Variants in XKR4 observed in about 807,000 individuals in gnomAD.
XKR4 encodes the protein XK related 4.
XKR4 carries 12 observed loss-of-function variants against 53.9 expected under a neutral mutation model. The observed-to-expected ratio is 0.22, with a 90% CI of 0.14 to 0.36. The LOEUF is 0.36. XKR4 is among the 10% of genes least tolerant of loss of function. The probability of loss-of-function intolerance (pLI) is 1.00; values close to 1 mark genes in which losing one functional copy is unlikely to be tolerated. For synonymous variants in XKR4, 354 were observed against 362.4 expected (o/e 0.98, Z 0.26); for missense variants, 799 against 859.5 (o/e 0.93, Z 0.88).
intron 1 of XKR4, among the ~76,000 whole-genome samples, chr8:55,341,665 T>C (rs1040184067): frequency 6.6e-6 from 1 of 152,224 alleles, no homozygotes; most frequent in Non-Finnish European, 1.5e-5. Context: ...AACCTTATCT[T>C]CAAGTTAATT....
intron 2 of XKR4, among the ~76,000 whole-genome samples, chr8:55,423,397 A>G (rs529109321): frequency 5.3e-5 from 8 of 152,328 alleles, no homozygotes; most frequent in Admixed American, 1.3e-4. Context: ...ACCCGCCAGT[A>G]CATAATTTTT....
chr8:55,298,536 G>A (rs557672722), intron 1 of XKR4, among the ~76,000 whole-genome samples: 1 of 152,072 alleles, frequency 6.6e-6, no homozygotes, highest in Admixed American at 6.6e-5. Flanking sequence ...AGGAGAGGAG[G>A]GGGAGGTCCT....
At chr8:55,189,368 A>G (rs866779839) in intron 1 of XKR4, among the ~76,000 whole-genome samples, 4 of 152,322 alleles carry the variant, frequency 2.6e-5, no homozygotes, top group African/African-American at 9.6e-5. Context: ...ATCATGCCTC[A>G]ATGAACGGCG....
intron 1 of XKR4, among the ~76,000 whole-genome samples, chr8:55,148,869 C>A (rs543811764): frequency 6.6e-6 from 1 of 152,148 alleles, no homozygotes; most frequent in Non-Finnish European, 1.5e-5. Flanking sequence ...TCACAGAAAG[C>A]GTCCTTAGCA....
chr8:55,392,904 T>C (rs1804462475), intron 2 of XKR4, among the ~76,000 whole-genome samples: 1 of 152,194 alleles, frequency 6.6e-6, no homozygotes, highest in Non-Finnish European at 1.5e-5. Context: ...ACTCCGAAAG[T>C]TGGCAATTAA....
At chr8:55,129,159 G>C (rs945270343) in intron 1 of XKR4, among the ~76,000 whole-genome samples, 2 of 152,198 alleles carry the variant, frequency 1.3e-5, no homozygotes, top group African/African-American at 4.8e-5. Context: ...TTTTGAAAAT[G>C]GAGAGAGAAC....
At position 55,285,342 on chromosome 8, in the gene XKR4, A is replaced by G. The variant is rs535262448; in HGVS notation, c.807-72336A>G. 4.6e-5 allele frequency among the ~76,000 whole-genome samples: 7 copies of G among 152,282 alleles called. No individual in the cohort carries two copies. The South Asian group carries it at 1.5e-3, about 32-fold the overall frequency. Reference sequence around the variant, plus strand: ...TAGGGAGGTGCAAGAGGAGGGACTCAAGGTCTATGATGGGAAGTGGGAAAT... The same window carrying G: ...TAGGGAGGTGCAAGAGGAGGGACTCGAGGTCTATGATGGGAAGTGGGAAAT... On this transcript the variant is annotated intron_variant, in intron 1 of 2. Coordinates refer to ENST00000327381, the MANE Select transcript of XKR4 (RefSeq NM_052898.2).
At chr8:55,410,875 C>G (rs1401509035) in intron 2 of XKR4, among the ~76,000 whole-genome samples, 3 of 152,130 alleles carry the variant, frequency 2.0e-5, no homozygotes, top group African/African-American at 7.2e-5. Context: ...TGTTCCCCAA[C>G]CTGGGCTCCA....
intron 2 of XKR4, among the ~76,000 whole-genome samples, chr8:55,522,948 C>T (rs1183282340): frequency 6.6e-6 from 1 of 152,044 alleles, no homozygotes; most frequent in African/African-American, 2.4e-5. Flanking sequence ...AAAGAAAATC[C>T]TGGCTTACAT....
chr8:55,288,081 T>A (rs1818932288), intron 1 of XKR4, among the ~76,000 whole-genome samples: 1 of 152,198 alleles, frequency 6.6e-6, no homozygotes, highest in East Asian at 1.9e-4. Context: ...ATCATTAGTG[T>A]TAGTGTATTT....
chr8:55,431,459 T>G (rs1387392382), intron 2 of XKR4, among the ~76,000 whole-genome samples: 1 of 152,210 alleles, frequency 6.6e-6, no homozygotes, highest in Admixed American at 6.5e-5. Context: ...CAACTAAAGA[T>G]CAATTATCTT....
intron 1 of XKR4, among the ~76,000 whole-genome samples, chr8:55,134,858 T>C (rs1160896951): frequency 1.3e-5 from 2 of 152,236 alleles, no homozygotes; most frequent in African/African-American, 2.4e-5. Context: ...GATGATGTCA[T>C]TTAATTCTCG....
intron 1 of XKR4, among the ~76,000 whole-genome samples, chr8:55,260,939 G>C (rs1418720322): frequency 6.6e-6 from 1 of 152,156 alleles, no homozygotes; most frequent in Non-Finnish European, 1.5e-5. Flanking sequence ...GTCTATGTCT[G>C]CAGCTTGATT....
chr8:55,504,556 T>A (rs916075871), intron 2 of XKR4, among the ~76,000 whole-genome samples: 1 of 152,120 alleles, frequency 6.6e-6, no homozygotes, highest in South Asian at 2.1e-4. Flanking sequence ...GGCTTTGGTA[T>A]AAAGGTAATT....
At chr8:55,240,120 G>A (rs942011061) in intron 1 of XKR4, among the ~76,000 whole-genome samples, 1 of 152,186 alleles carries the variant, frequency 6.6e-6, no homozygotes, top group East Asian at 1.9e-4. Flanking sequence ...ATCTGGCACA[G>A]TGCCTGAAAC....
chr8:55,515,200 A>G (rs1806694469), intron 2 of XKR4, among the ~76,000 whole-genome samples: 1 of 152,232 alleles, frequency 6.6e-6, no homozygotes, highest in African/African-American at 2.4e-5. Context: ...CAAATGGATT[A>G]CCAAAAGAAA....
rs1806978284 is a variant in XKR4 at position 55,533,144 on chromosome 8, GCACACCAGTAGAACGCATCTTAA to G, written c.*8921_*8943del. ...TGTAATCAAAATTCCTATTTTGATC[GCACACCAGTAGAACGCATCTTAA>G]CACCAGCATTGCCATTGTGAGTCTA... On this transcript the variant is annotated 3_prime_UTR_variant, in exon 3 of 3. Transcript: ENST00000327381. 6.6e-6 allele frequency: 1 copy of G among 152,106 alleles called. No homozygotes were observed. The highest frequency in any genetic ancestry group is 6.6e-5 in the Admixed American group (1 of 15,264). The allele number at this position is 152,106 out of a possible 1,614,324, so 9.4% of individuals were successfully genotyped here.
At chr8:55,504,276 G>C (rs60183369) in intron 2 of XKR4, among the ~76,000 whole-genome samples, 6,519 of 151,772 alleles carry the variant, frequency 0.043, 539 homozygotes, top group East Asian at 0.28. Context: ...GCAGTGATGC[G>C]ATCTCAGCTC....
intron 1 of XKR4, among the ~76,000 whole-genome samples, chr8:55,350,738 C>CTTTTTTTTTTTTT (rs1028164969): frequency 4.9e-5 from 6 of 122,448 alleles, no homozygotes; most frequent in African/African-American, 1.5e-4. Flanking sequence ...TTTTTCTTTT[C>CTTTTTTTTTTTTT]TTTTTTTTTT....
Sources: allele counts gnomAD v4.1 joint callset (sites outside exome capture counted in the v4.1 genomes callset), GRCh38; gene constraint gnomAD v4.1.1; transcripts MANE v1.5; gene names NCBI Gene and HGNC (gene_info 2026-07-23, HGNC 2026-07-21).